CC2D2B: variants seen among roughly 807,000 people sequenced by gnomAD.
CC2D2B encodes the protein protein CC2D2B.
Under a neutral mutation model 161.2 loss-of-function variants are expected in CC2D2B, and 128 were observed. The observed-to-expected ratio is 0.79, with a 90% CI of 0.69 to 0.92. The LOEUF is 0.92. Among genes scored for constraint, CC2D2B ranks in the 40% least tolerant of loss-of-function variants. The probability of loss-of-function intolerance (pLI) is 0.00; values close to 1 mark genes in which losing one functional copy is unlikely to be tolerated. For missense variants in CC2D2B, 1,173 were observed against 1,375.1 expected, an observed-to-expected ratio of 0.85 and a Z score of 2.32; for synonymous variants, 391 against 449.8, an observed-to-expected ratio of 0.87 and a Z score of 1.65.
upstream of CC2D2B, chr10:95,907,683 C>T (rs867247498): frequency 6.6e-6 from 1 of 152,506 alleles, no homozygotes; most frequent in Non-Finnish European, 1.5e-5. Flanking sequence ...TACTCTTCTT[C>T]TTCACCAGGA....
chr10:95,984,807 C>T (rs923389320), intron 19 of CC2D2B: 2 of 151,886 alleles, frequency 1.3e-5, no homozygotes, highest in South Asian at 2.1e-4. Context: ...GAGGTCAAGG[C>T]TACAGTGAGC....
rs1356039810 is a variant in CC2D2B, at chr10:95,938,108, G to A, written c.454G>A (p.Val152Ile). The A allele has an allele frequency of 6.5e-7, 1 of 1,549,780 alleles. No individual in the cohort carries two copies. Among genetic ancestry groups the A allele is most frequent in the African/African-American group, 1.4e-5 (1 of 73,108 alleles). The change falls in exon 7 of 35, where the codon GTA becomes ATA. Residue 152 changes from valine to isoleucine, a missense_variant. Coordinates refer to ENST00000646931, the MANE Select transcript of CC2D2B (RefSeq NM_001349008.3). ...KEFILTDILK[V>I]KAADYEDDQE... The stretch of plus-strand genomic sequence containing the variant: ...ATTCATTTTGACAGATATACTCAAA[G>A]TAAAAGCTGCTGACTATGAAGATGA...
chr10:95,967,819 AG>A (rs139790194), intron 14 of CC2D2B, among the ~76,000 whole-genome samples: 5,595 of 152,228 alleles, frequency 0.037, 142 homozygotes, highest in South Asian at 0.079. Flanking sequence ...CTCTTTGAGA[AG>A]GTTACAGAGA....
chr10:95,958,540 A>G (rs1018972066), intron 11 of CC2D2B, among the ~76,000 whole-genome samples: 3 of 121,344 alleles, frequency 2.5e-5, no homozygotes, highest in Non-Finnish European at 5.4e-5. Flanking sequence ...CATATAAACA[A>G]AATGGAAGTA....
intron 1 of CC2D2B, among the ~76,000 whole-genome samples, chr10:95,909,016 C>T (rs1187731754): frequency 1.3e-5 from 2 of 151,998 alleles, no homozygotes; most frequent in African/African-American, 4.8e-5. Flanking sequence ...TCTACAGGAG[C>T]AGGACATGAT....
chr10:95,988,087 A>G (rs188448458), intron 19 of CC2D2B, among the ~76,000 whole-genome samples, 163 bp from the exon 20 acceptor site: 17 of 152,350 alleles, frequency 1.1e-4, no homozygotes, highest in Admixed American at 1.0e-3. Context: ...TTTTTAGCCT[A>G]TCCTCAGTGG....
Position 96,012,730 on chromosome 10 carries a change from G to A in CC2D2B, c.3426+1G>A. 6.5e-7 allele frequency: 1 copy of A among 1,541,888 alleles called. No individual in the cohort carries two copies. Among genetic ancestry groups the A allele is most frequent in the East Asian group, 2.2e-5 (1 of 44,454 alleles). On this transcript the variant is annotated splice_donor_variant, in intron 28 of 34. Coordinates refer to ENST00000646931, the MANE Select transcript of CC2D2B (RefSeq NM_001349008.3). LOFTEE classifies it high-confidence loss of function. ...TCTTCACAATTCTAATGCAACATTT[G>A]TAAGTTATTATTATTTTTAACATCT...
intron 2 of CC2D2B, among the ~76,000 whole-genome samples, chr10:95,917,433 TCTTCCTTC>T (rs751676905): frequency 2.6e-5 from 4 of 152,212 alleles, no homozygotes; most frequent in African/African-American, 4.8e-5. Context: ...GGTTGTTCTG[TCTTCCTTC>T]CTTCCTTCCT....
chr10:95,924,085 CA>C, intron 3 of CC2D2B, among the ~76,000 whole-genome samples: 1 of 152,016 alleles, frequency 6.6e-6, no homozygotes, highest in African/African-American at 2.4e-5. Context: ...CAAAGAAAAA[CA>C]AAAATCAGTC....
intron 9 of CC2D2B, among the ~76,000 whole-genome samples, chr10:95,941,455 T>G (rs1219895350): frequency 6.6e-6 from 1 of 151,854 alleles, no homozygotes; most frequent in Admixed American, 6.6e-5. Context: ...TGATAAGAGA[T>G]TGAAATCCAA....
intron 17 of CC2D2B, among the ~76,000 whole-genome samples, chr10:95,978,504 G>A (rs66832603): frequency 0.15 from 23,550 of 152,084 alleles, 1,958 homozygotes; most frequent in Middle Eastern, 0.25. Context: ...CTGTAGGCAG[G>A]TGCCACCACA....
At chr10:95,915,606 C>T (rs1365399070) in intron 2 of CC2D2B, among the ~76,000 whole-genome samples, 2 of 152,080 alleles carry the variant, frequency 1.3e-5, no homozygotes, top group Non-Finnish European at 2.9e-5. Flanking sequence ...AAGGTTTTTT[C>T]ATGAAGCGAT....
intron 17 of CC2D2B, among the ~76,000 whole-genome samples, chr10:95,976,001 T>A (rs1260951289): frequency 6.6e-6 from 1 of 152,234 alleles, no homozygotes; most frequent in African/African-American, 2.4e-5. Flanking sequence ...TCCTCCTCAC[T>A]CTGAGGCTAA....
At chr10:95,965,444 G>A (rs775651225) in intron 12 of CC2D2B, among the ~76,000 whole-genome samples, 5 of 152,044 alleles carry the variant, frequency 3.3e-5, no homozygotes, top group Non-Finnish European at 7.4e-5. Context: ...ATTGTTTACT[G>A]TTTATGCATA....
intron 2 of CC2D2B, among the ~76,000 whole-genome samples, chr10:95,912,571 G>A (rs1286714848): frequency 2.0e-5 from 3 of 152,048 alleles, no homozygotes; most frequent in Non-Finnish European, 4.4e-5. Context: ...AGGGTAGAGG[G>A]CAAGGATATA....
At chr10:95,946,621 G>A (rs1272204561) in intron 9 of CC2D2B, among the ~76,000 whole-genome samples, 1 of 152,040 alleles carries the variant, frequency 6.6e-6, no homozygotes, top group African/African-American at 2.4e-5. Context: ...CCCCTTTTAT[G>A]GGTTGGCTCT....
At chr10:96,019,515 A>T in intron 31 of CC2D2B, 178 bp downstream of exon 31, 1 of 812,394 alleles carries the variant, frequency 1.2e-6, no homozygotes, top group Non-Finnish European at 2.0e-6. Context: ...GCCTTCAAGG[A>T]TGAGAACCGT....
At chr10:95,946,718 G>T (rs772348138) in intron 9 of CC2D2B, among the ~76,000 whole-genome samples, 1 of 152,070 alleles carries the variant, frequency 6.6e-6, no homozygotes, top group Non-Finnish European at 1.5e-5. Flanking sequence ...AAGAAGGAAA[G>T]GTTCCTAACT....
chr10:96,012,432 A>G (rs1475582546), intron 27 of CC2D2B, 65 bp downstream of exon 27: 1 of 840,986 alleles, frequency 1.2e-6, no homozygotes, highest in African/African-American at 1.7e-5. Context: ...TTTAAAAACC[A>G]GTAATAATTT....
Sources: gnomAD v4.1 joint callset for allele counts (sites outside exome capture counted in the v4.1 genomes callset) on GRCh38, gnomAD v4.1.1 for gene constraint, MANE v1.5 for transcripts, NCBI Gene and HGNC (gene_info 2026-07-23, HGNC 2026-07-21) for gene names.